Variants in ME3 observed in about 807,000 individuals in gnomAD.
ME3 encodes malic enzyme 3.
Under a neutral mutation model 68.9 loss-of-function variants are expected in ME3, and 48 were observed. The ratio of observed to expected loss-of-function variants is 0.70; its 90% confidence interval spans 0.55 to 0.89. ME3 has a LOEUF of 0.89. ME3 is among the 40% of genes least tolerant of loss of function. The pLI is 0.00. For missense variants in ME3, 675 were observed against 797.4 expected (o/e 0.85, Z 1.85); for synonymous variants, 320 against 318.8 (o/e 1.00, Z -0.04).
chr11:86,665,033 A>G (rs1257139288), intron 2 of ME3, among the ~76,000 whole-genome samples: 1 of 152,170 alleles, frequency 6.6e-6, no homozygotes, highest in African/African-American at 2.4e-5. Flanking sequence ...CCAGGGTGAA[A>G]GAAGGGGCCT....
At position 86,496,175 on chromosome 11, in the gene ME3, G is replaced by A. The variant is rs1278229436; in HGVS notation, c.705+1788C>T. Among the ~76,000 whole-genome samples the A allele has an allele frequency of 2.6e-5, 4 of 152,156 alleles. No homozygotes were observed. In the East Asian group the frequency reaches 5.8e-4, roughly 22 times the overall value. On this transcript the variant is annotated intron_variant, in intron 6 of 14. Coordinates refer to ENST00000543262, the Ensembl canonical transcript of ME3. ...AATCTCAGCACTTTGGGAGGCTGAG[G>A]CGGGCAGATCACTTGAGGTCAGGAG...
chr11:86,611,531 T>A (rs560894265), intron 2 of ME3, among the ~76,000 whole-genome samples: 50 of 149,688 alleles, frequency 3.3e-4, no homozygotes, highest in Non-Finnish European at 5.6e-4. Context: ...GTATATATAT[T>A]ATATATATCA....
chr11:86,617,045 G>GTTTTTTT (rs563738961), intron 2 of ME3, among the ~76,000 whole-genome samples: 768 of 56,302 alleles, frequency 0.014, 144 homozygotes, highest in Non-Finnish European at 0.015. Flanking sequence ...CAAGATAGTA[G>GTTTTTTT]TTTTTTTTTT....
chr11:86,666,690 G>A (rs918100353), intron 2 of ME3, among the ~76,000 whole-genome samples: 1 of 152,182 alleles, frequency 6.6e-6, no homozygotes, highest in Non-Finnish European at 1.5e-5. Flanking sequence ...AGAGTAAATT[G>A]CCACTTATGG....
At chr11:86,558,417 G>A (rs1957037324) in intron 3 of ME3, among the ~76,000 whole-genome samples, 1 of 152,224 alleles carries the variant, frequency 6.6e-6, no homozygotes, top group Admixed American at 6.5e-5. Flanking sequence ...TGGCCTTGGA[G>A]TTAATGTGAC....
rs561318079 is a variant in ME3, at chr11:86,599,138, C to T, written c.184-39315G>A. On this transcript the variant is annotated intron_variant, in intron 2 of 14. Transcript: ENST00000543262. ...CGAGTTGAGAGAAGAAGGCTTCAGACGATCAAACTACTCTGAGCTACAGGA... is the reference window on the plus strand; with the variant it reads ...CGAGTTGAGAGAAGAAGGCTTCAGATGATCAAACTACTCTGAGCTACAGGA... Among the ~76,000 whole-genome samples, 39 of 152,132 alleles carry T rather than the reference C, an allele frequency of 2.6e-4. No individual in the cohort carries two copies. In the East Asian group the frequency reaches 5.0e-3, roughly 20 times the overall value.
At chr11:86,589,012 G>A (rs1958900115) in intron 2 of ME3, among the ~76,000 whole-genome samples, 2 of 152,158 alleles carry the variant, frequency 1.3e-5, no homozygotes, top group African/African-American at 4.8e-5. Context: ...TGGGGATAAC[G>A]GCTGAGCTCG....
Position 86,450,384 on chromosome 11 carries a change from C to CA in ME3, c.933dup (p.Ala312CysfsTer61). ...AGAGCAGCCAAGATCCCTGCCACAGCAACGGAGGCTGTGCCTGAAACAGAG... is the reference window on the plus strand; with the variant it reads ...AGAGCAGCCAAGATCCCTGCCACAGCAAACGGAGGCTGTGCCTGAAACAGAG... On this transcript the variant is annotated frameshift_variant, in exon 9 of 15. Coordinates refer to ENST00000543262, the Ensembl canonical transcript of ME3. LOFTEE classifies it high-confidence loss of function. 4.3e-6 allele frequency: 7 copies of CA among 1,614,040 alleles called. No individual in the cohort carries two copies. The highest frequency in any genetic ancestry group is 5.1e-6 in the Non-Finnish European group (6 of 1,179,962).
At position 86,509,438 on chromosome 11, in the gene ME3, G is replaced by A. The variant is rs556050778; in HGVS notation, c.468-571C>T. ...CACACACACACACACACGCATGTGC[G>A]AAGGCAATGGGGTTTGGTCAAGAGC... On this transcript the variant is annotated intron_variant, in intron 4 of 14. Coordinates refer to ENST00000543262, the Ensembl canonical transcript of ME3. Among the ~76,000 whole-genome samples, 47 of 151,118 alleles carry A rather than the reference G, an allele frequency of 3.1e-4. No individual in the cohort carries two copies. The South Asian group carries it at 6.8e-3, about 22-fold the overall frequency.
chr11:86,502,857 G>A (rs1183246837), intron 5 of ME3, among the ~76,000 whole-genome samples: 1 of 152,104 alleles, frequency 6.6e-6, no homozygotes, highest in East Asian at 1.9e-4. Context: ...ACACCCTTTA[G>A]TTTGGGTGGA....
chr11:86,617,338 T>G (rs545242125), intron 2 of ME3, among the ~76,000 whole-genome samples: 1 of 152,224 alleles, frequency 6.6e-6, no homozygotes, highest in African/African-American at 2.4e-5. Flanking sequence ...AGTTTGAAGG[T>G]TCTTCTTTCC....
chr11:86,545,629 G>A (rs1442782079), intron 4 of ME3, among the ~76,000 whole-genome samples: 1 of 152,132 alleles, frequency 6.6e-6, no homozygotes, highest in African/African-American at 2.4e-5. Context: ...ACCCATTCAA[G>A]GGGAACTAAA....
At chr11:86,631,868 G>T (rs148299551) in intron 2 of ME3, among the ~76,000 whole-genome samples, 80 of 152,216 alleles carry the variant, frequency 5.3e-4, no homozygotes, top group African/African-American at 1.9e-3. Context: ...GAATAGGAGG[G>T]ATTACAGGCA....
chr11:86,496,125 G>C (rs1952313403), intron 6 of ME3, among the ~76,000 whole-genome samples: 2 of 152,042 alleles, frequency 1.3e-5, no homozygotes, highest in Non-Finnish European at 2.9e-5. Flanking sequence ...GGATGCCTGG[G>C]CTGGGTGCAG....
At chr11:86,541,895 C>T (rs558456783) in intron 4 of ME3, among the ~76,000 whole-genome samples, 5 of 152,288 alleles carry the variant, frequency 3.3e-5, no homozygotes, top group South Asian at 4.1e-4. Flanking sequence ...ATACCTCATA[C>T]AGGAGAGCTC....
chr11:86,443,743 G>C (rs566608544), intron 13 of ME3, among the ~76,000 whole-genome samples: 1 of 152,360 alleles, frequency 6.6e-6, no homozygotes, highest in East Asian at 1.9e-4. Context: ...TATTAGGGAA[G>C]TGGGCCTCCC....
intron 4 of ME3, among the ~76,000 whole-genome samples, chr11:86,521,633 G>A (rs1309901507): frequency 6.6e-6 from 1 of 152,122 alleles, no homozygotes; most frequent in Non-Finnish European, 1.5e-5. Context: ...AGAATTTCAT[G>A]CTATGGTTCA....
rs374768244 is a variant in ME3 at position 86,502,601 on chromosome 11, C to T, written c.544-4477G>A. Among the ~76,000 whole-genome samples the T allele has an allele frequency of 5.3e-5, 8 of 152,314 alleles. 1 individual carries two copies. The highest frequency in any genetic ancestry group is 3.9e-4 in the East Asian group (2 of 5,186). ...TTTTTCGTGACATCAATGGACCTTA[C>T]GCTGGGAGCCACTAGTTCTGCAAAT... On this transcript the variant is annotated intron_variant, in intron 5 of 14. Coordinates refer to ENST00000543262, the Ensembl canonical transcript of ME3.
At chr11:86,620,315 CT>C (rs1943265016) in intron 2 of ME3, among the ~76,000 whole-genome samples, 1 of 152,098 alleles carries the variant, frequency 6.6e-6, no homozygotes, top group South Asian at 2.1e-4. Context: ...GGCAATTTGC[CT>C]TCATGAAATG....
Sources: gnomAD v4.1 joint callset for allele counts (sites outside exome capture counted in the v4.1 genomes callset) on GRCh38, gnomAD v4.1.1 for gene constraint, MANE v1.5 for transcripts, NCBI Gene and HGNC (gene_info 2026-07-23, HGNC 2026-07-21) for gene names.